The following ICE2 variants were observed in gnomAD, a reference collection of about 807,000 sequenced individuals.
The protein encoded by ICE2 is interactor of little elongation complex ELL subunit 2, also known as little elongation complex subunit 2.
Under a neutral mutation model 105.4 loss-of-function variants are expected in ICE2, and 87 were observed. The observed-to-expected ratio is 0.83, with a 90% CI of 0.69 to 0.99. ICE2 has a LOEUF of 0.99. ICE2 is among the 50% of genes least tolerant of loss of function. ICE2 has a pLI of 0.00. For missense variants in ICE2, 1,323 were observed against 1,146.7 expected, an observed-to-expected ratio of 1.15 and a Z score of -2.22; for synonymous variants, 399 against 392.0, an observed-to-expected ratio of 1.02 and a Z score of -0.21.
chr15:60,466,774 T>G lies in ICE2; in HGVS notation c.409-61A>C, dbSNP rs542332181. 41 of 1,310,248 alleles carry G rather than the reference T, an allele frequency of 3.1e-5. No homozygotes were observed. The African/African-American group carries it at 5.3e-4, about 17-fold the overall frequency. The allele number at this position is 1,310,248 out of a possible 1,614,324, so 81.2% of individuals were successfully genotyped here. ...AAAGTTTCATTAAAAAGAATCACATTCTTAATCATTGCTATAATAATTTGG... is the reference window on the plus strand; with the variant it reads ...AAAGTTTCATTAAAAAGAATCACATGCTTAATCATTGCTATAATAATTTGG... On this transcript the variant is annotated intron_variant, in intron 4 of 15. Transcript: ENST00000261520.
chr15:60,469,109 A>C (rs1175563319), intron 3 of ICE2, among the ~76,000 whole-genome samples: 3 of 152,212 alleles, frequency 2.0e-5, no homozygotes, highest in Non-Finnish European at 4.4e-5. Context: ...ATGGAATACT[A>C]TGCAGCCATA....
Position 60,448,977 on chromosome 15 carries a change from G to A in ICE2, c.1990C>T (p.Pro664Ser), listed in dbSNP as rs769810798. 3.7e-6 allele frequency: 6 copies of A among 1,614,006 alleles called. No individual in the cohort carries two copies. In the Admixed American group the frequency reaches 1.0e-4, roughly 27 times the overall value. Residue 664 changes from proline to serine, a missense_variant, in exon 10 of 16, where the codon CCA (proline) becomes TCA (serine). Pro to Ser is a moderately conservative substitution (Grantham distance 74, BLOSUM62 -1). Transcript: ENST00000261520. Reference sequence around the variant, plus strand: ...TCTAAATTCATTAAGGGCAATTCTGGTACTTTTCTGGAAATTGGCTTTAAG... The same window carrying A: ...TCTAAATTCATTAAGGGCAATTCTGATACTTTTCTGGAAATTGGCTTTAAG... ...ELLKPISRKV[P>S]ELPLMNLENS... is the part of the protein sequence containing the mutation.
intron 13 of ICE2, among the ~76,000 whole-genome samples, chr15:60,433,436 C>A (rs569739804): frequency 6.6e-6 from 1 of 151,824 alleles, no homozygotes; most frequent in Non-Finnish European, 1.5e-5. Flanking sequence ...ACCTAAAGTC[C>A]GTCTGTCCAT....
intron 3 of ICE2, among the ~76,000 whole-genome samples, chr15:60,471,732 T>G (rs2064600638): frequency 6.6e-6 from 1 of 152,164 alleles, no homozygotes; most frequent in South Asian, 2.1e-4. Context: ...GTTTGAAGTT[T>G]TGCCCCTGCA....
Position 60,422,828 on chromosome 15 carries a change from GAC to G in ICE2, c.*804_*805del, listed in dbSNP as rs554983998. ...CACTCCAGCCTGGGCAACAGAGCGA[GAC>G]TCCATCTCAAAAAAAAAAAAAAGCT... On this transcript the variant is annotated 3_prime_UTR_variant, in exon 16 of 16. Transcript: ENST00000261520. The G allele has an allele frequency of 5.1e-3, 758 of 149,204 alleles. 3 individuals are homozygous for G. Among genetic ancestry groups the G allele is most frequent in the African/African-American group, 0.018 (728 of 40,428 alleles). 9.2% of individuals were successfully genotyped at this position (149,204 alleles called of 1,614,324 possible).
chr15:60,451,083 A>G (rs2063954337), intron 9 of ICE2: 3 of 714,864 alleles, frequency 4.2e-6, no homozygotes, highest in Non-Finnish European at 5.1e-6. Flanking sequence ...AAGAAAATCC[A>G]TGATAAACAG....
intron 9 of ICE2, chr15:60,451,704 T>C: frequency 1.2e-5 from 9 of 724,482 alleles, no homozygotes; most frequent in Non-Finnish European, 1.5e-5. Context: ...CATTTACTTC[T>C]GGTTCACCCT....
intron 1 of ICE2, 130 bp downstream of exon 1, chr15:60,478,873 G>A (rs973220529): frequency 2.3e-6 from 1 of 437,146 alleles, no homozygotes; most frequent in South Asian, 1.6e-5. Flanking sequence ...TAGGAGCCGC[G>A]CAGAGCCAGG....
intron 5 of ICE2, among the ~76,000 whole-genome samples, chr15:60,464,758 C>A (rs1324657538): frequency 6.6e-6 from 1 of 152,142 alleles, no homozygotes; most frequent in East Asian, 1.9e-4. Flanking sequence ...GAAAGATGGG[C>A]TGTAATCCCA....
At chr15:60,441,595 G>C (rs1003613751) in intron 12 of ICE2, 3 of 152,188 alleles carry the variant, frequency 2.0e-5, no homozygotes, top group African/African-American at 7.2e-5. Flanking sequence ...AGAAGTAAAA[G>C]ACTGCACTAA....
In ICE2 at chr15:60,428,799, C is replaced by T. The variant is rs895622101; in HGVS notation, c.2562-112G>A. On this transcript the variant is annotated intron_variant, in intron 14 of 15. Coordinates refer to ENST00000261520, the MANE Select transcript of ICE2 (RefSeq NM_024611.6). ...GAAAATTATGAGAAGATCACACCACCTCTAAAAATACTTTTATGACAAAAT... is the reference window on the plus strand; with the variant it reads ...GAAAATTATGAGAAGATCACACCACTTCTAAAAATACTTTTATGACAAAAT... 5.8e-6 allele frequency: 6 copies of T among 1,037,652 alleles called. No individual in the cohort carries two copies. The African/African-American group carries it at 6.4e-5, about 11-fold the overall frequency. The allele number at this position is 1,037,652 out of a possible 1,614,324, so 64.3% of individuals were successfully genotyped here. A position where few individuals can be genotyped will look rare whatever the true frequency, so the allele number is the denominator to read the frequency against.
intron 5 of ICE2, among the ~76,000 whole-genome samples, chr15:60,457,255 A>C (rs911517574): frequency 1.3e-4 from 20 of 152,184 alleles, no homozygotes; most frequent in African/African-American, 4.8e-4. Context: ...CAAATGATGG[A>C]GTACTTAGTA....
At chr15:60,428,216 G>A (rs1391164713) in intron 15 of ICE2, among the ~76,000 whole-genome samples, 1 of 152,072 alleles carries the variant, frequency 6.6e-6, no homozygotes, top group Non-Finnish European at 1.5e-5. Flanking sequence ...TTCTTTAGTT[G>A]ACTTATAAAT....
At chr15:60,475,311 A>AT (rs1417456431) in intron 3 of ICE2, among the ~76,000 whole-genome samples, 3 of 152,232 alleles carry the variant, frequency 2.0e-5, no homozygotes, top group African/African-American at 7.2e-5. Context: ...TAGTCATTAA[A>AT]TATCAGAGAG....
intron 14 of ICE2, among the ~76,000 whole-genome samples, chr15:60,429,016 T>C (rs2063398133): frequency 2.6e-5 from 4 of 152,220 alleles, no homozygotes; most frequent in Admixed American, 1.3e-4. Context: ...GTATCTATAC[T>C]GAAAAGCATT....
chr15:60,448,048 G>A lies in ICE2; in HGVS notation c.2217C>T (p.Asp739=), dbSNP rs1453954443. 1 of 1,613,772 alleles carries A rather than the reference G, an allele frequency of 6.2e-7. No homozygotes were observed. ...NFVYKLFSLQ[D]LLLLVRCSVQ... is the part of the protein sequence containing the mutation. The stretch of plus-strand genomic sequence containing the variant: ...CACTGCAGCGTACGAGTAACAACAG[G>A]TCTTGCAGGCTAAATAACTTATAAA... The change falls in exon 11 of 16, where the codon GAC becomes GAT. Residue 739 remains aspartate, a synonymous_variant. Coordinates refer to ENST00000261520, the MANE Select transcript of ICE2 (RefSeq NM_024611.6).
At chr15:60,463,051 G>C (rs1275642098) in intron 5 of ICE2, among the ~76,000 whole-genome samples, 1 of 152,066 alleles carries the variant, frequency 6.6e-6, no homozygotes, top group Non-Finnish European at 1.5e-5. Context: ...TTATAAAATA[G>C]GCTTTGTGTT....
chr15:60,426,901 T>G (rs1311156953), intron 15 of ICE2, among the ~76,000 whole-genome samples: 1 of 152,226 alleles, frequency 6.6e-6, no homozygotes, highest in Non-Finnish European at 1.5e-5. Flanking sequence ...TTGAGTTACT[T>G]AAGAAAATTT....
chr15:60,453,810 G>A, intron 8 of ICE2, 26 bp from the exon 9 acceptor site: 1 of 1,507,776 alleles, frequency 6.6e-7, no homozygotes, highest in Non-Finnish European at 9.2e-7. Context: ...AAAGAAAAGA[G>A]GTGATTAGTA....
Sources: gnomAD v4.1 joint callset for allele counts (sites outside exome capture counted in the v4.1 genomes callset) on GRCh38, gnomAD v4.1.1 for gene constraint, MANE v1.5 for transcripts, NCBI Gene and HGNC (gene_info 2026-07-23, HGNC 2026-07-21) for gene names.